The following CDH20 variants were observed in gnomAD, a reference collection of about 807,000 sequenced individuals.
CDH20 encodes the protein cadherin-20.
Under a neutral mutation model 74.2 loss-of-function variants are expected in CDH20, and 29 were observed. That is an observed-to-expected ratio of 0.39 (90% CI 0.29 to 0.53). The LOEUF (loss-of-function observed/expected upper bound fraction) is 0.53. Among genes scored for constraint, CDH20 ranks in the 20% least tolerant of loss-of-function variants. The pLI, the probability that CDH20 is intolerant of heterozygous loss-of-function variation, is 0.69. For missense variants in CDH20, 988 were observed against 1,048.3 expected (o/e 0.94, Z 0.79); for synonymous variants, 469 against 405.4 (o/e 1.16, Z -1.88).
chr18:61,483,183 T>C (rs1307285051), intron 1 of CDH20, among the ~76,000 whole-genome samples: 3 of 152,182 alleles, frequency 2.0e-5, no homozygotes, highest in South Asian at 4.1e-4. Flanking sequence ...TCATCACCAA[T>C]AGATCTGTGC....
chr18:61,364,369 AT>A (rs199995975), intron 1 of CDH20, among the ~76,000 whole-genome samples: 2,262 of 152,054 alleles, frequency 0.015, 59 homozygotes, highest in African/African-American at 0.051. Flanking sequence ...CTGGAGTGCA[AT>A]GGCGTGATCT....
chr18:61,410,434 T>G (rs1176044625), intron 1 of CDH20, among the ~76,000 whole-genome samples: 1 of 152,194 alleles, frequency 6.6e-6, no homozygotes, highest in Admixed American at 6.5e-5. Flanking sequence ...AAATAAGTAT[T>G]TGCATATGCT....
At chr18:61,463,516 CA>C (rs1265536967) in intron 1 of CDH20, among the ~76,000 whole-genome samples, 1 of 152,082 alleles carries the variant, frequency 6.6e-6, no homozygotes, top group Admixed American at 6.5e-5. Context: ...TGTCAATGAA[CA>C]TGTTTGGAAG....
rs1295577393 is a variant in CDH20 at position 61,528,076 on chromosome 18, T to C, written c.1127T>C (p.Val376Ala). ...GGCCCATTTCAGGACACAACAACAG[T>C]GCACATCAGTGTGGAAGACGTGGAC... is the stretch of plus-strand genomic sequence containing the variant. ...NLGPFQDTTT[V>A]HISVEDVDEP... The change falls in exon 7 of 12, where the codon GTG (valine) becomes GCG (alanine). Residue 376 changes from valine (V) to alanine (A), a missense_variant. Val to Ala is a moderately conservative substitution (Grantham distance 64). Around this residue, in one of 2 missense-constraint regions of CDH20, gnomAD observed 613 missense variants for 755.2 expected, o/e 0.81. Transcript: ENST00000262717. The C allele has an allele frequency of 6.2e-7, 1 of 1,614,142 alleles. No homozygotes were observed. Among genetic ancestry groups the C allele is most frequent in the Admixed American group, 1.7e-5 (1 of 60,014 alleles).
intron 1 of CDH20, among the ~76,000 whole-genome samples, chr18:61,394,956 C>G (rs1481689341): frequency 6.6e-6 from 1 of 151,980 alleles, no homozygotes; most frequent in Non-Finnish European, 1.5e-5. Flanking sequence ...CGAAGAGGAA[C>G]CTGTGTTCCC....
At chr18:61,452,627 G>T (rs567417859) in intron 1 of CDH20, among the ~76,000 whole-genome samples, 51 of 152,212 alleles carry the variant, frequency 3.4e-4, no homozygotes, top group Non-Finnish European at 6.0e-4. Context: ...TTTCTAATAT[G>T]TTTTTTATAC....
At position 61,495,569 on chromosome 18, in the gene CDH20, G is replaced by T. The variant is rs34358264; in HGVS notation, c.247-3617G>T. On this transcript the variant is annotated intron_variant, in intron 2 of 11. Coordinates refer to ENST00000262717, the MANE Select transcript of CDH20 (RefSeq NM_031891.4). ...TCCTCATCACACCTACTTCTAAGAG[G>T]TCTGAGTCCCAGGGAACAGGGGCAC... 5.7e-3 allele frequency among the ~76,000 whole-genome samples: 867 copies of T among 152,274 alleles called. 12 individuals are homozygous for T. The highest frequency in any genetic ancestry group is 0.02 in the African/African-American group (821 of 41,552).
At chr18:61,434,651 G>C (rs78496834) in intron 1 of CDH20, among the ~76,000 whole-genome samples, 3,050 of 152,098 alleles carry the variant, frequency 0.02, 103 homozygotes, top group African/African-American at 0.069. Context: ...GGTCCATGAG[G>C]TCTGTGGGCT....
At chr18:61,406,443 A>G (rs1912332799) in intron 1 of CDH20, among the ~76,000 whole-genome samples, 1 of 152,270 alleles carries the variant, frequency 6.6e-6, no homozygotes, top group South Asian at 2.1e-4. Flanking sequence ...GGCTTCAGCC[A>G]TAAACAAGAC....
chr18:61,486,353 G>A lies in CDH20; in HGVS notation c.-152-4049G>A, dbSNP rs139057936. Among the ~76,000 whole-genome samples, 68 of 152,270 alleles carry A rather than the reference G, an allele frequency of 4.5e-4. No individual in the cohort carries two copies. In the East Asian group the frequency reaches 0.011, roughly 26 times the overall value. ...TATTTTCTTTATGGGATTCTACAAT[G>A]GGAATATTATTGTTTGTGAACCATA... is the stretch of plus-strand genomic sequence containing the variant. On this transcript the variant is annotated intron_variant, in intron 1 of 11. Coordinates refer to ENST00000262717, the MANE Select transcript of CDH20 (RefSeq NM_031891.4).
At chr18:61,496,602 C>T (rs950470706) in intron 2 of CDH20, among the ~76,000 whole-genome samples, 4 of 149,298 alleles carry the variant, frequency 2.7e-5, no homozygotes, top group African/African-American at 1.0e-4. Flanking sequence ...TGAGCTCTGC[C>T]GCTGTCGCTG....
chr18:61,493,032 T>C (rs1412404362), intron 2 of CDH20, among the ~76,000 whole-genome samples: 3 of 152,220 alleles, frequency 2.0e-5, no homozygotes, highest in African/African-American at 4.8e-5. Context: ...AATAGTACTA[T>C]AGTAGCAATA....
intron 1 of CDH20, among the ~76,000 whole-genome samples, chr18:61,389,787 A>G (rs1239468466): frequency 1.3e-5 from 2 of 152,076 alleles, no homozygotes; most frequent in Admixed American, 6.6e-5. Context: ...TAAAATTTCT[A>G]TTATTAATTT....
At chr18:61,344,849 GT>G (rs1294880011) in intron 1 of CDH20, among the ~76,000 whole-genome samples, 6 of 151,720 alleles carry the variant, frequency 4.0e-5, no homozygotes, top group African/African-American at 1.2e-4. Flanking sequence ...ATGGTCAAGG[GT>G]TTTTTTTAAA....
intron 1 of CDH20, among the ~76,000 whole-genome samples, chr18:61,483,789 G>A (rs897615343): frequency 6.6e-6 from 1 of 152,130 alleles, no homozygotes; most frequent in Non-Finnish European, 1.5e-5. Context: ...CAATCACCCT[G>A]TGAGATAGAG....
chr18:61,353,464 G>A lies in CDH20; in HGVS notation c.-153+19637G>A, dbSNP rs894323310. 6.6e-6 allele frequency among the ~76,000 whole-genome samples: 1 copy of A among 152,140 alleles called. No homozygotes were observed. Among genetic ancestry groups the A allele is most frequent in the Non-Finnish European group, 1.5e-5 (1 of 68,038 alleles). On this transcript the variant is annotated intron_variant, in intron 1 of 11. Coordinates refer to ENST00000262717, the MANE Select transcript of CDH20 (RefSeq NM_031891.4). The surrounding 1 kb of genome is among the most constrained non-coding windows in gnomAD (Gnocchi z 4.6). ...AAATGGACTTCATATTGCAATACCA[G>A]TACTAATCATTTGTCTACTTGTGGT...
intron 10 of CDH20, among the ~76,000 whole-genome samples, chr18:61,548,245 A>AT (rs1005876519): frequency 6.6e-6 from 1 of 152,028 alleles, no homozygotes; most frequent in African/African-American, 2.4e-5. Flanking sequence ...GCTTATCTGA[A>AT]TTTTTTTTGA....
chr18:61,468,774 A>T (rs2144374499), intron 1 of CDH20, among the ~76,000 whole-genome samples: 1 of 152,302 alleles, frequency 6.6e-6, no homozygotes, highest in South Asian at 2.1e-4. Flanking sequence ...TAAACTATGG[A>T]TTGTGGGTGA....
At chr18:61,518,731 T>A (rs1424986999) in intron 6 of CDH20, among the ~76,000 whole-genome samples, 1 of 150,988 alleles carries the variant, frequency 6.6e-6, no homozygotes, top group Non-Finnish European at 1.5e-5. Context: ...GGATCACAAC[T>A]CCTCACCAGC....
Sources: allele counts gnomAD v4.1 joint callset (sites outside exome capture counted in the v4.1 genomes callset), GRCh38; gene constraint gnomAD v4.1.1; regional missense constraint gnomAD v4.1.1; non-coding constraint Gnocchi (gnomAD v3.1); transcripts MANE v1.5; gene names NCBI Gene and HGNC (gene_info 2026-07-23, HGNC 2026-07-21).